TMPRSS3: variants seen among roughly 807,000 people sequenced by gnomAD.
TMPRSS3 encodes the protein transmembrane serine protease 3, also known as transmembrane protease serine 3.
In TMPRSS3, 55 loss-of-function variants were observed where a neutral mutation model predicts 59.6. The ratio of observed to expected loss-of-function variants is 0.92; its 90% CI spans 0.74 to 1.16. TMPRSS3 has a LOEUF of 1.16. TMPRSS3 is among the 50% of genes most tolerant of loss of function. The pLI is 0.00. For missense variants in TMPRSS3, 596 were observed against 579.4 expected (o/e 1.03, Z -0.29); for synonymous variants, 257 against 237.7 (o/e 1.08, Z -0.75).
At chr21:42,377,938 C>G (rs2052458622) in intron 10 of TMPRSS3, among the ~76,000 whole-genome samples, 1 of 152,260 alleles carries the variant, frequency 6.6e-6, no homozygotes, top group African/African-American at 2.4e-5. Context: ...GATGGAGAAT[C>G]TCCTGGGAGG....
intron 7 of TMPRSS3, 142 bp from the exon 8 acceptor site, chr21:42,383,340 G>T: frequency 1.2e-6 from 1 of 858,220 alleles, no homozygotes. Context: ...GACAAGTGCT[G>T]CAAGGGGGAG....
rs779969755 is a variant in TMPRSS3, at chr21:42,380,124, C to A, written c.1041G>T (p.Glu347Asp). 1.2e-6 allele frequency: 2 copies of A among 1,613,954 alleles called. No individual in the cohort carries two copies. Among genetic ancestry groups the A allele is most frequent in the Admixed American group, 3.3e-5 (2 of 60,014 alleles). ...TGGCTTCAGCCCACTGACCTCCATC[C>A]TCTGTGGCCCCCCATCCTGACGTCC... The part of the protein sequence containing the change: ...VCWTSGWGAT[E>D]DGGDASPVLN... The change falls in exon 10 of 13, where the codon GAG becomes GAT. Residue 347 changes from glutamate to aspartate, a missense_variant. By Grantham distance (45) the Glu-to-Asp change is conservative. Coordinates refer to ENST00000644384, the MANE Select transcript of TMPRSS3 (RefSeq NM_001256317.3).
rs11306720 is a variant in TMPRSS3, at chr21:42,393,253, GAA to G, written c.94+2069_94+2070del. 7.6e-3 allele frequency among the ~76,000 whole-genome samples: 1,144 copies of G among 150,276 alleles called. 17 individuals carry two copies. Among genetic ancestry groups the G allele is most frequent in the African/African-American group, 0.025 (1,025 of 40,932 alleles). On this transcript the variant is annotated intron_variant, in intron 2 of 12. Coordinates refer to ENST00000644384, the MANE Select transcript of TMPRSS3 (RefSeq NM_001256317.3). ...GAGCGAGACCTCGTCTCAAGAAAAA[GAA>G]AAAAAAAAAGCTTTCAACTTCTTGA...
intron 12 of TMPRSS3, among the ~76,000 whole-genome samples, chr21:42,373,972 T>G (rs1178644044): frequency 1.3e-5 from 2 of 152,200 alleles, no homozygotes; most frequent in East Asian, 1.9e-4. Context: ...ACCAGCTCAG[T>G]GCTCAGCCCC....
At chr21:42,379,793 G>A (rs1219667782) in intron 10 of TMPRSS3, among the ~76,000 whole-genome samples, 1 of 152,132 alleles carries the variant, frequency 6.6e-6, no homozygotes, top group Admixed American at 6.5e-5. Flanking sequence ...AAGCCTGGGA[G>A]GGTTGTCTAG....
At chr21:42,395,302 G>A (rs766067676) in intron 2 of TMPRSS3, 22 bp downstream of exon 2, 1 of 1,603,336 alleles carries the variant, frequency 6.2e-7, no homozygotes, top group Non-Finnish European at 8.5e-7. Flanking sequence ...AAATCACAGA[G>A]TCCTCACCTG....
chr21:42,373,844 C>T (rs2052376645), intron 12 of TMPRSS3, among the ~76,000 whole-genome samples: 1 of 152,152 alleles, frequency 6.6e-6, no homozygotes, highest in South Asian at 2.1e-4. Context: ...CCGTTGTGAG[C>T]GGGCTCCCCA....
intron 12 of TMPRSS3, among the ~76,000 whole-genome samples, chr21:42,374,222 G>C (rs556643271): frequency 1.1e-3 from 162 of 152,344 alleles, no homozygotes; most frequent in Non-Finnish European, 1.5e-3. Context: ...TCAGTGCCTA[G>C]TATGGGGCCA....
chr21:42,383,403 T>C, intron 7 of TMPRSS3: 1 of 621,944 alleles, frequency 1.6e-6, no homozygotes. Context: ...TGGTGGGTGC[T>C]GTGGAGGATG....
In TMPRSS3 at chr21:42,390,010, A is replaced by G. The variant is rs1205467990; in HGVS notation, c.122T>C (p.Leu41Pro). The change falls in exon 3 of 13, where the codon CTG (leucine) becomes CCG (proline). Residue 41 changes from leucine (L) to proline (P), a missense_variant. Coordinates refer to ENST00000644384, the MANE Select transcript of TMPRSS3 (RefSeq NM_001256317.3). ...AAAAAACTTCAATGGCAGCAGTGAC[A>G]GGATCTGTGCAGCAACAGCATCTGC... ...PDADAVAAQI[L>P]SLLPLKFFPI... 2 of 1,614,188 alleles carry G rather than the reference A, an allele frequency of 1.2e-6. No individual in the cohort carries two copies. Among genetic ancestry groups the G allele is most frequent in the Non-Finnish European group, 1.7e-6 (2 of 1,179,974 alleles).
chr21:42,394,739 A>G (rs2052779968), intron 2 of TMPRSS3, among the ~76,000 whole-genome samples: 1 of 152,214 alleles, frequency 6.6e-6, no homozygotes, highest in Non-Finnish European at 1.5e-5. Context: ...CCTGACTTCC[A>G]GAACCGGCAA....
intron 12 of TMPRSS3, among the ~76,000 whole-genome samples, chr21:42,373,241 G>A (rs1183234691): frequency 1.3e-5 from 2 of 152,194 alleles, no homozygotes; most frequent in Non-Finnish European, 2.9e-5. Flanking sequence ...CAACTGAAAC[G>A]CACAGCGGGC....
rs573891411 is a variant in TMPRSS3, at chr21:42,383,467, C to T, written c.617-269G>A. The T allele has an allele frequency of 1.4e-3, 821 of 573,188 alleles. 3 individuals are homozygous for T. Among genetic ancestry groups the T allele is most frequent in the South Asian group, 3.3e-3 (166 of 50,322 alleles). 35.5% of individuals were successfully genotyped at this position (573,188 alleles called of 1,614,324 possible). A position where few individuals can be genotyped will look rare whatever the true frequency, so the allele number is the denominator to read the frequency against. On this transcript the variant is annotated intron_variant, in intron 7 of 12. Transcript: ENST00000644384. ...TCAGTGCCCAGCATTGGCAGCACCA[C>T]TCCCCATCCTATTCCCCCAGTGATG...
chr21:42,389,605 T>C (rs1356010723), intron 3 of TMPRSS3, among the ~76,000 whole-genome samples: 1 of 152,262 alleles, frequency 6.6e-6, no homozygotes, highest in Admixed American at 6.5e-5. Flanking sequence ...AATAGGTCTC[T>C]TTGTCTTCTC....
rs2052620835 is a variant in TMPRSS3, at chr21:42,385,546, T to C, written c.447-12A>G. The C allele has an allele frequency of 6.2e-7, 1 of 1,614,010 alleles. No homozygotes were observed. The highest frequency in any genetic ancestry group is 1.3e-5 in the African/African-American group (1 of 75,002). ...CTGAACTCACATAGCTGCAAGCACA[T>C]TGGAAAGACAGACCCGACGTGGTAA... On this transcript the variant is annotated splice_polypyrimidine_tract_variant and intron_variant, in intron 5 of 12. Coordinates refer to ENST00000644384, the MANE Select transcript of TMPRSS3 (RefSeq NM_001256317.3).
Position 42,395,688 on chromosome 21 carries a change from A to G in TMPRSS3, c.-51-220T>C, listed in dbSNP as rs1013046577. 8.8e-6 allele frequency: 4 copies of G among 455,654 alleles called. No individual in the cohort carries two copies. The Admixed American group carries it at 1.4e-4, about 16-fold the overall frequency. The allele number at this position is 455,654 out of a possible 1,614,324, so 28.2% of individuals were successfully genotyped here. ...AATTAGCAAAAAAAAAAAAAAAAAA[A>G]AAGTATGAACTTAATTCTGCTAAGA... On this transcript the variant is annotated intron_variant, in intron 1 of 12. Coordinates refer to ENST00000644384, the MANE Select transcript of TMPRSS3 (RefSeq NM_001256317.3).
At chr21:42,386,404 G>T (rs1317508422) in intron 5 of TMPRSS3, among the ~76,000 whole-genome samples, 7 of 152,210 alleles carry the variant, frequency 4.6e-5, no homozygotes, top group African/African-American at 1.7e-4. Context: ...CCCTTCCAGG[G>T]ATTGCTCAAT....
At position 42,385,492 on chromosome 21, in the gene TMPRSS3, C is replaced by T; in HGVS notation, c.489G>A (p.Gly163=). 6.2e-7 allele frequency: 1 copy of T among 1,614,154 alleles called. No homozygotes were observed. The change falls in exon 6 of 13, where the codon GGG becomes GGA. Residue 163 remains glycine, a synonymous_variant. Coordinates refer to ENST00000644384, the MANE Select transcript of TMPRSS3 (RefSeq NM_001256317.3). The stretch of plus-strand genomic sequence containing the variant: ...TGGACACAAACTCCTCCCGGAACTG[C>T]CCCTCCAGCGAGCTCACTCTGAGGT... The part of the protein sequence containing the change: ...SDNLRVSSLE[G]QFREEFVSID...
In TMPRSS3 at chr21:42,394,296, T is replaced by C. The variant is rs78730104; in HGVS notation, c.94+1028A>G. 7.3e-4 allele frequency among the ~76,000 whole-genome samples: 111 copies of C among 152,250 alleles called. 4 individuals are homozygous for C. In the East Asian group the frequency reaches 0.021, roughly 29 times the overall value. ...ATAGGTCAAACTATGATCAAATGGC[T>C]GTGTAAATTGCATATCTACTTGATG... On this transcript the variant is annotated intron_variant, in intron 2 of 12. Transcript: ENST00000644384.
Sources: gnomAD v4.1 joint callset for allele counts (sites outside exome capture counted in the v4.1 genomes callset) on GRCh38, gnomAD v4.1.1 for gene constraint, MANE v1.5 for transcripts, NCBI Gene and HGNC (gene_info 2026-07-23, HGNC 2026-07-21) for gene names.